The following LARGE1 variants were observed in gnomAD, a reference collection of about 807,000 sequenced individuals.
LARGE1 encodes LARGE xylosyl- and glucuronyltransferase 1.
Under a neutral mutation model 87.6 loss-of-function variants are expected in LARGE1, and 43 were observed. The observed-to-expected ratio is 0.49, with a 90% CI of 0.38 to 0.63. The LOEUF (loss-of-function observed/expected upper bound fraction) is 0.63. Ranked by LOEUF, LARGE1 falls within the 30% of genes least tolerant of loss-of-function variation. The pLI is 0.00. For synonymous variants in LARGE1, 434 were observed against 394.6 expected, an observed-to-expected ratio of 1.10 and a Z score of -1.18; for missense variants, 802 against 1,000.2, an observed-to-expected ratio of 0.80 and a Z score of 2.67.
chr22:33,334,259 C>T (rs1192500870), intron 10 of LARGE1, among the ~76,000 whole-genome samples: 1 of 151,706 alleles, frequency 6.6e-6, no homozygotes, highest in Admixed American at 6.6e-5. Context: ...ACTAAAAATA[C>T]AAAAATTAGC....
At chr22:33,901,100 G>A (rs1322207966) in intron 1 of LARGE1, among the ~76,000 whole-genome samples, 1 of 152,118 alleles carries the variant, frequency 6.6e-6, no homozygotes, top group Non-Finnish European at 1.5e-5. Context: ...ACAGAGGGAA[G>A]ACAATGTGAA....
chr22:33,915,042 C>CACACAG (rs144076486), intron 1 of LARGE1, among the ~76,000 whole-genome samples: 30 of 137,110 alleles, frequency 2.2e-4, no homozygotes, highest in South Asian at 4.8e-4. Context: ...CACACACACA[C>CACACAG]AGAGAGAGAG....
chr22:33,422,798 A>G (rs1477460418), intron 7 of LARGE1, among the ~76,000 whole-genome samples: 1 of 151,978 alleles, frequency 6.6e-6, no homozygotes, highest in Non-Finnish European at 1.5e-5. Flanking sequence ...TCTCATGAGA[A>G]CTCACTCACT....
At chr22:33,257,797 C>T (rs968378682) in intron 11 of LARGE1, among the ~76,000 whole-genome samples, 7 of 152,160 alleles carry the variant, frequency 4.6e-5, no homozygotes, top group Non-Finnish European at 8.8e-5. Flanking sequence ...TAACAAATAT[C>T]TATTTAGGAC....
intron 1 of LARGE1, among the ~76,000 whole-genome samples, chr22:33,918,406 T>TG (rs2065849092): frequency 6.6e-6 from 1 of 152,210 alleles, no homozygotes. Context: ...CTCTAAATCT[T>TG]GGTGATTTTT....
chr22:33,120,358 T>TTCTCTTTC, the LARGE1 span, among the ~76,000 whole-genome samples: 263 of 118,774 alleles, frequency 2.2e-3, no homozygotes, highest in East Asian at 5.6e-3. Flanking sequence ...TTTTCTTTCT[T>TTCTCTTTC]TTTCTTTCTT....
chr22:33,271,962 T>C (rs933284922), downstream of LARGE1, among the ~76,000 whole-genome samples: 2 of 152,256 alleles, frequency 1.3e-5, no homozygotes, highest in Admixed American at 6.5e-5. Context: ...CATCATCTTC[T>C]AGTTTATGCC....
At chr22:33,454,957 T>C (rs556565416) in intron 6 of LARGE1, among the ~76,000 whole-genome samples, 1 of 152,314 alleles carries the variant, frequency 6.6e-6, no homozygotes, top group South Asian at 2.1e-4. Context: ...TACAAGTGGA[T>C]ATGAGACTTG....
chr22:33,347,791 G>C (rs1325262720), intron 9 of LARGE1, among the ~76,000 whole-genome samples: 2 of 152,116 alleles, frequency 1.3e-5, no homozygotes, highest in Non-Finnish European at 2.9e-5. Flanking sequence ...AGGGGTGTTT[G>C]AACCTAAGTA....
At chr22:33,422,228 G>A (rs751881945) in intron 7 of LARGE1, among the ~76,000 whole-genome samples, 11 of 152,226 alleles carry the variant, frequency 7.2e-5, no homozygotes, top group Admixed American at 6.5e-4. Flanking sequence ...GGTACCACAG[G>A]CCGTTCATGT....
intron 2 of LARGE1, among the ~76,000 whole-genome samples, chr22:33,739,809 C>T (rs952129595): frequency 6.6e-6 from 1 of 152,080 alleles, no homozygotes; most frequent in Admixed American, 6.5e-5. Flanking sequence ...TTAATCGCTG[C>T]TATTAATACA....
intron 6 of LARGE1, among the ~76,000 whole-genome samples, chr22:33,434,839 G>GC (rs1167733014): frequency 2.6e-5 from 4 of 151,788 alleles, no homozygotes; most frequent in African/African-American, 7.3e-5. Flanking sequence ...CATTGCCCTT[G>GC]CCCCCCCTGC....
rs200634753 is a variant in LARGE1, at chr22:33,229,600, T to C, written c.1731-62768A>G. Among the ~76,000 whole-genome samples, 22 of 152,186 alleles carry C rather than the reference T, an allele frequency of 1.4e-4. No homozygotes were observed. The East Asian group carries it at 4.2e-3, about 29-fold the overall frequency. ...AAGGAAATAAAGTAGAATTTAGAGC[T>C]TGTCACAGAAATTATGAGATATTTG... On this transcript the variant is annotated intron_variant, in intron 11 of 11. Coordinates refer to the LARGE1 transcript ENST00000608642.
intron 5 of LARGE1, among the ~76,000 whole-genome samples, chr22:33,574,689 TGTGTGTGTGTGTG>T (rs2078301626): frequency 0.022 from 5 of 232 alleles, no homozygotes; most frequent in Admixed American, 0.19. Context: ...TAAACAATTG[TGTGTGTGTGTGTG>T]TGTGTGTGTG....
At chr22:33,412,768 C>G (rs764092811) in intron 7 of LARGE1, among the ~76,000 whole-genome samples, 9 of 152,216 alleles carry the variant, frequency 5.9e-5, no homozygotes, top group Non-Finnish European at 1.3e-4. Context: ...TCAAGCAATT[C>G]TCCTGCCTCA....
chr22:33,368,475 A>G lies in LARGE1; in HGVS notation c.1131+13444T>C, dbSNP rs182380181. Among the ~76,000 whole-genome samples, 449 of 146,744 alleles carry G rather than the reference A, an allele frequency of 3.1e-3. 5 individuals carry two copies. Among genetic ancestry groups the G allele is most frequent in the African/African-American group, 9.8e-3 (402 of 40,972 alleles). ...TTTGAACATGGGAAGTGAAGGTTGC[A>G]GTGAGCTGAGATCATGCCACTGCAC... On this transcript the variant is annotated intron_variant, in intron 9 of 14. Transcript: ENST00000397394.
chr22:33,104,945 TTCTC>T, the LARGE1 span, among the ~76,000 whole-genome samples: 10 of 137,564 alleles, frequency 7.3e-5, no homozygotes, highest in Admixed American at 6.8e-4. Context: ...CTTTCTTTCT[TTCTC>T]TTTCTCTCTT....
intron 7 of LARGE1, among the ~76,000 whole-genome samples, chr22:33,395,142 T>C (rs575270025): frequency 6.9e-6 from 1 of 144,834 alleles, no homozygotes; most frequent in East Asian, 2.1e-4. Context: ...GGCAGGAGAA[T>C]GGTGTGAACC....
chr22:33,826,290 C>CT (rs1358037842), intron 1 of LARGE1, among the ~76,000 whole-genome samples: 3 of 151,780 alleles, frequency 2.0e-5, no homozygotes, highest in South Asian at 2.1e-4. Context: ...ACTGCAGTCT[C>CT]TACCCTCAGG....
Sources: allele counts gnomAD v4.1 joint callset (sites outside exome capture counted in the v4.1 genomes callset), GRCh38; gene constraint gnomAD v4.1.1; transcripts MANE v1.5; gene names NCBI Gene and HGNC (gene_info 2026-07-23, HGNC 2026-07-21).